Variants in PCGF1 observed in about 807,000 individuals in gnomAD.
PCGF1 encodes the protein polycomb group ring finger 1, also known as polycomb group RING finger protein 1.
Under a neutral mutation model 38.8 loss-of-function variants are expected in PCGF1, and 10 were observed. The ratio of observed to expected loss-of-function variants is 0.26; its 90% CI spans 0.16 to 0.44. The LOEUF (loss-of-function observed/expected upper bound fraction) is 0.44, where lower values mean the gene tolerates loss of function less well. PCGF1 is among the 20% of genes least tolerant of loss of function. The probability of loss-of-function intolerance (pLI) is 1.00; values close to 1 mark genes in which losing one functional copy is unlikely to be tolerated. For missense variants in PCGF1, 230 were observed against 331.5 expected (o/e 0.69, Z 2.38); for synonymous variants, 119 against 121.3 (o/e 0.98, Z 0.12).
Position 74,505,941 on chromosome 2 carries a change from C to A in PCGF1, c.530+11G>T, listed in dbSNP as rs776667435. 1.2e-6 allele frequency: 2 copies of A among 1,613,588 alleles called. No individual in the cohort carries two copies. The highest frequency in any genetic ancestry group is 1.7e-6 in the Non-Finnish European group (2 of 1,179,838). ...ACTGTCACCTCCTGCAACCCCTGAC[C>A]TTCTCCTCACCTCAGCCGCTCCAGG... On this transcript the variant is annotated intron_variant, in intron 5 of 8. Coordinates refer to ENST00000233630, the MANE Select transcript of PCGF1 (RefSeq NM_032673.3).
chr2:74,506,887 G>A lies in PCGF1; in HGVS notation c.200-3C>T. 2 of 1,614,200 alleles carry A rather than the reference G, an allele frequency of 1.2e-6. No homozygotes were observed. Among genetic ancestry groups the A allele is most frequent in the Non-Finnish European group, 8.5e-7 (1 of 1,180,008 alleles). Reference sequence around the variant, plus strand: ...CTTCACAATACAACTCTTGCAGACTGCAGGAAAAGAAAAGCAGATTCTCAG... The same window carrying A: ...CTTCACAATACAACTCTTGCAGACTACAGGAAAAGAAAAGCAGATTCTCAG... On this transcript the variant is annotated splice_region_variant and splice_polypyrimidine_tract_variant and intron_variant, in intron 2 of 8. Transcript: ENST00000233630.
At chr2:74,507,248 G>GC (rs1234069952) in intron 1 of PCGF1, 101 bp from the exon 2 acceptor site, 7 of 1,490,514 alleles carry the variant, frequency 4.7e-6, no homozygotes, top group Non-Finnish European at 9.1e-7. Flanking sequence ...AGACGGCCAA[G>GC]CCCCGCGCCC....
At position 74,505,560 on chromosome 2, in the gene PCGF1, G is replaced by T. The variant is rs1558594802; in HGVS notation, c.643C>A (p.Pro215Thr). Residue 215 changes from proline to threonine, a missense_variant, in exon 7 of 9, where the codon CCT becomes ACT. This residue lies in a region of PCGF1 where 144 missense variants were observed against 182.4 expected (regional missense o/e 0.79). Coordinates refer to ENST00000233630, the MANE Select transcript of PCGF1 (RefSeq NM_032673.3). The part of the protein sequence containing the change: ...RVLCHRLMLN[P>T]QHVQLLFDNE... ...ACTGTGGGACTACTCACATGCTGAG[G>T]GTTTAGCATCAAGCGGTGACACAGG... 1.9e-6 allele frequency: 3 copies of T among 1,614,118 alleles called. No homozygotes were observed. The highest frequency in any genetic ancestry group is 2.5e-6 in the Non-Finnish European group (3 of 1,180,010).
rs1301285329 is a variant in PCGF1, at chr2:74,505,207, G to T, written c.733-17C>A. 3.8e-6 allele frequency: 6 copies of T among 1,563,490 alleles called. No homozygotes were observed. Among genetic ancestry groups the T allele is most frequent in the Non-Finnish European group, 5.2e-6 (6 of 1,153,942 alleles). ...AGGGGATGGCTAAGGAGAGAATGAG[G>T]AAGTAGTAGTCAGTGGGGAATGTTC... On this transcript the variant is annotated splice_polypyrimidine_tract_variant and intron_variant, in intron 8 of 8. Transcript: ENST00000233630.
chr2:74,505,708 A>C (rs1553389227), intron 6 of PCGF1, 29 bp downstream of exon 6: 1 of 1,614,028 alleles, frequency 6.2e-7, no homozygotes, highest in Non-Finnish European at 8.5e-7. Flanking sequence ...GAGTCTCCTT[A>C]GAGAGGCCCT....
At chr2:74,505,922 A>G (rs377509940) in intron 5 of PCGF1, 30 bp downstream of exon 5, 6 of 1,611,158 alleles carry the variant, frequency 3.7e-6, no homozygotes, top group Non-Finnish European at 4.2e-6. Context: ...TGGCACTGTC[A>G]CCTCCTGCAA....
chr2:74,507,504 ACCGCCCGTCCTTTAGCCCG>A, intron 1 of PCGF1, 53 bp downstream of exon 1: 1 of 1,533,318 alleles, frequency 6.5e-7, no homozygotes, highest in Non-Finnish European at 8.8e-7. Flanking sequence ...CCGGCCAGCC[ACCGCCCGTCCTTTAGCCCG>A]CCCCAATTCG....
Position 74,505,057 on chromosome 2 carries a change from T to C in PCGF1, c.*86A>G. ...CAGAAGAGAGGTGCTTTTTAAAAGT[T>C]TTTATTTCAAAAAATAAAGCTGCAG... On this transcript the variant is annotated 3_prime_UTR_variant, in exon 9 of 9. Coordinates refer to ENST00000233630, the MANE Select transcript of PCGF1 (RefSeq NM_032673.3). 7.3e-7 allele frequency: 1 copy of C among 1,369,406 alleles called. No individual in the cohort carries two copies. Among genetic ancestry groups the C allele is most frequent in the Non-Finnish European group, 9.7e-7 (1 of 1,035,760 alleles). The allele number at this position is 1,369,406 out of a possible 1,614,324, so 84.8% of individuals were successfully genotyped here.
In PCGF1 at chr2:74,507,600, G is replaced by A. The variant is rs766200561; in HGVS notation, c.69C>T (p.Tyr23=). 5 of 1,589,678 alleles carry A rather than the reference G, an allele frequency of 3.1e-6. No individual in the cohort carries two copies. Among genetic ancestry groups the A allele is most frequent in the Middle Eastern group, 1.7e-4 (1 of 5,918 alleles). ...CCTCGTTCCGTAGCGGGTCCATCTT[G>A]TACACTGACTGGAGCTGGTTCCGAA... ...MRLRNQLQSV[Y]KMDPLRNEEE... Residue 23 remains tyrosine, a synonymous_variant, in exon 1 of 9, where the codon TAC becomes TAT. Coordinates refer to ENST00000233630, the MANE Select transcript of PCGF1 (RefSeq NM_032673.3).
At chr2:74,505,700 G>A (rs376977193) in intron 6 of PCGF1, 37 bp downstream of exon 6, 2 of 1,614,032 alleles carry the variant, frequency 1.2e-6, no homozygotes, top group African/African-American at 1.3e-5. Flanking sequence ...TGGGAGGTGA[G>A]TCTCCTTAGA....
At chr2:74,507,474 T>G (rs1674669058) in intron 1 of PCGF1, 102 bp downstream of exon 1, 3 of 1,510,566 alleles carry the variant, frequency 2.0e-6, no homozygotes, top group Non-Finnish European at 2.7e-6. Flanking sequence ...ACTCTGTCTC[T>G]GCGCAGGCGC....
rs540907249 is a variant in PCGF1, at chr2:74,506,316, G to A, written c.353-64C>T. The A allele has an allele frequency of 2.5e-5, 37 of 1,477,528 alleles. 1 individual carries two copies. Among genetic ancestry groups the A allele is most frequent in the East Asian group, 1.1e-4 (5 of 44,044 alleles). 91.5% of individuals were successfully genotyped at this position (1,477,528 alleles called of 1,614,324 possible). A position where few individuals can be genotyped will look rare whatever the true frequency, so the allele number is the denominator to read the frequency against. ...TTCGGGGCCGGGCGCGGTGGCTCAC[G>A]CCTGTAATCCCAGCACTTTGGGAGG... On this transcript the variant is annotated intron_variant, in intron 3 of 8. Coordinates refer to ENST00000233630, the MANE Select transcript of PCGF1 (RefSeq NM_032673.3).
intron 3 of PCGF1, 134 bp from the exon 4 acceptor site, chr2:74,506,386 G>A: frequency 1.2e-6 from 1 of 813,616 alleles, no homozygotes; most frequent in African/African-American, 1.7e-5. Flanking sequence ...GGCCATCCTG[G>A]CTAACATGGT....
rs548446132 is a variant in PCGF1, at chr2:74,505,742, G to T, written c.559C>A (p.Leu187Met). ...SSGKDKNKSVLQNKYVRCSVR... is the reference protein window; with the variant it reads ...SSGKDKNKSVMQNKYVRCSVR... The stretch of plus-strand genomic sequence containing the variant: ...CTCCCCTCAGCCCTTCTCACCTGCA[G>T]GACGCTTTTATTCTTGTCTTTGCCA... Residue 187 changes from leucine (L) to methionine (M), a missense_variant, in exon 6 of 9, where the codon CTG (leucine) becomes ATG (methionine). Physicochemically the swap from Leu to Met is conservative, Grantham distance 15. Coordinates refer to ENST00000233630, the MANE Select transcript of PCGF1 (RefSeq NM_032673.3). The T allele has an allele frequency of 1.4e-5, 23 of 1,614,206 alleles. No individual in the cohort carries two copies. The South Asian group carries it at 2.2e-4, about 15-fold the overall frequency.
At chr2:74,507,390 C>G in intron 1 of PCGF1, 186 bp downstream of exon 1, 1 of 1,453,910 alleles carries the variant, frequency 6.9e-7, no homozygotes, top group Non-Finnish European at 9.0e-7. Context: ...GACTACACAA[C>G]GTCGGCGACA....
chr2:74,505,959 G>A lies in PCGF1; in HGVS notation c.523C>T (p.Arg175Trp), dbSNP rs970425911. The A allele has an allele frequency of 8.7e-6, 14 of 1,613,846 alleles. No homozygotes were observed. Among genetic ancestry groups the A allele is most frequent in the African/African-American group, 8.0e-5 (6 of 74,900 alleles). The change falls in exon 5 of 9, where the codon CGG (arginine) becomes TGG (tryptophan). Residue 175 changes from arginine to tryptophan, a missense_variant. Physicochemically the swap from Arg to Trp is moderately radical, Grantham distance 101. This residue lies in a region of PCGF1 where 144 missense variants were observed against 182.4 expected (regional missense o/e 0.79). Coordinates refer to ENST00000233630, the MANE Select transcript of PCGF1 (RefSeq NM_032673.3). ...CCCTGACCTTCTCCTCACCTCAGCCGCTCCAGGCACAGGTTCAACTGCTCA... is the reference window on the plus strand; with the variant it reads ...CCCTGACCTTCTCCTCACCTCAGCCACTCCAGGCACAGGTTCAACTGCTCA... The part of the protein sequence containing the change: ...YDEQLNLCLE[R>W]LSSGKDKNKS...
chr2:74,507,196 C>A (rs746312055), intron 1 of PCGF1, 49 bp from the exon 2 acceptor site: 2 of 1,578,572 alleles, frequency 1.3e-6, no homozygotes. Context: ...AACCCCAACC[C>A]GTGCGCCTTC....
intron 1 of PCGF1, 85 bp from the exon 2 acceptor site, chr2:74,507,232 C>A: frequency 6.6e-7 from 1 of 1,518,642 alleles, no homozygotes; most frequent in South Asian, 1.2e-5. Context: ...CCTCCTTCAT[C>A]ACACTAGACG....
intron 1 of PCGF1, 78 bp from the exon 2 acceptor site, chr2:74,507,225 C>T: frequency 6.5e-7 from 1 of 1,528,888 alleles, no homozygotes; most frequent in Non-Finnish European, 8.9e-7. Context: ...GGGGTCGCCT[C>T]CTTCATCACA....
Sources: gnomAD v4.1 joint callset for allele counts on GRCh38, gnomAD v4.1.1 for gene constraint, gnomAD v4.1.1 regional missense constraint, MANE v1.5 for transcripts, NCBI Gene and HGNC (gene_info 2026-07-23, HGNC 2026-07-21) for gene names.